Variants in TRDN observed in about 807,000 individuals in gnomAD.
TRDN encodes the protein triadin in skeletal muscle.
A neutral mutation model predicts 149.7 loss-of-function variants in TRDN; 161 were observed. The observed-to-expected ratio is 1.08, with a 90% CI of 0.95 to 1.23. TRDN has a LOEUF of 1.23. Among genes scored for constraint, TRDN ranks in the 50% most tolerant of loss-of-function variants. The pLI, the probability that TRDN is intolerant of heterozygous loss-of-function variation, is 0.00. For synonymous variants in TRDN, 294 were observed against 250.5 expected (o/e 1.17, Z -1.64); for missense variants, 896 against 823.5 (o/e 1.09, Z -1.08).
At chr6:123,315,047 T>A (rs1290302770) in intron 24 of TRDN, among the ~76,000 whole-genome samples, 1 of 151,964 alleles carries the variant, frequency 6.6e-6, no homozygotes, top group Non-Finnish European at 1.5e-5. Context: ...ATACTTAATG[T>A]AAACTAATAA....
chr6:123,582,522 TG>T (rs1389732711), intron 1 of TRDN, among the ~76,000 whole-genome samples: 5 of 77,744 alleles, frequency 6.4e-5, no homozygotes, highest in Non-Finnish European at 1.3e-4. Context: ...CAGGCAGGAG[TG>T]GGGGGCACAG....
At chr6:123,356,803 T>C (rs1780701988) in intron 20 of TRDN, among the ~76,000 whole-genome samples, 1 of 151,200 alleles carries the variant, frequency 6.6e-6, no homozygotes, top group African/African-American at 2.4e-5. Flanking sequence ...TATTTGCTTA[T>C]TATCTATAGA....
intron 4 of TRDN, among the ~76,000 whole-genome samples, chr6:123,530,912 A>C (rs550535002): frequency 7.2e-5 from 11 of 152,106 alleles, no homozygotes; most frequent in Admixed American, 3.9e-4. Context: ...ATCCTTAATA[A>C]GAATGTCATT....
At chr6:123,227,435 A>T (rs1480444041) in intron 38 of TRDN, among the ~76,000 whole-genome samples, 11 of 151,824 alleles carry the variant, frequency 7.2e-5, no homozygotes, top group Non-Finnish European at 1.6e-4. Context: ...TGCTGGGGAT[A>T]ATGAAAAGTT....
At chr6:123,224,421 C>G (rs760044276) in intron 38 of TRDN, among the ~76,000 whole-genome samples, 1 of 151,726 alleles carries the variant, frequency 6.6e-6, no homozygotes, top group Admixed American at 6.6e-5. Context: ...TTCCCTCCTC[C>G]TCTGACTCCT....
intron 40 of TRDN, 62 bp downstream of exon 40, chr6:123,221,424 TA>T (rs1775143982): frequency 8.0e-7 from 1 of 1,248,054 alleles, no homozygotes; most frequent in Non-Finnish European, 1.1e-6. Context: ...CTAACATTTT[TA>T]CATAGATGTA....
chr6:123,428,785 T>C (rs1774223299), intron 12 of TRDN, among the ~76,000 whole-genome samples: 1 of 152,184 alleles, frequency 6.6e-6, no homozygotes, highest in African/African-American at 2.4e-5. Flanking sequence ...GATTTTTGCG[T>C]GAGGCCTTGT....
intron 5 of TRDN, among the ~76,000 whole-genome samples, chr6:123,528,434 C>G (rs901626201): frequency 6.6e-6 from 1 of 151,800 alleles, no homozygotes; most frequent in Non-Finnish European, 1.5e-5. Context: ...TCCACCATAA[C>G]GAATATCTTT....
intron 20 of TRDN, among the ~76,000 whole-genome samples, chr6:123,354,150 G>A (rs144806980): frequency 2.0e-5 from 3 of 151,712 alleles, no homozygotes; most frequent in African/African-American, 7.2e-5. Flanking sequence ...TCCCTTGAAG[G>A]GCAACCACAA....
chr6:123,632,019 T>C (rs1786031746), intron 1 of TRDN, among the ~76,000 whole-genome samples: 1 of 152,232 alleles, frequency 6.6e-6, no homozygotes, highest in Non-Finnish European at 1.5e-5. Context: ...CCAGAGTATA[T>C]TAAATTTTCA....
intron 7 of TRDN, among the ~76,000 whole-genome samples, chr6:123,507,933 T>C (rs1173362704): frequency 6.6e-6 from 1 of 152,066 alleles, no homozygotes; most frequent in African/African-American, 2.4e-5. Context: ...ATTTTCTCTC[T>C]CATTCCATAA....
rs567642968 is a variant in TRDN at position 123,440,703 on chromosome 6, A to G, written c.932-1700T>C. Among the ~76,000 whole-genome samples, 140 of 152,332 alleles carry G rather than the reference A, an allele frequency of 9.2e-4. 1 individual carries two copies. The highest frequency in any genetic ancestry group is 3.3e-3 in the African/African-American group (137 of 41,588). On this transcript the variant is annotated intron_variant, in intron 10 of 40. Transcript: ENST00000334268. ...CAAGTTTCATAAGGTTGATGAATAA[A>G]TATTTCATTAAAAAGCTTGTGCCAA...
chr6:123,513,347 G>C (rs1359773828), intron 6 of TRDN, among the ~76,000 whole-genome samples: 1 of 152,074 alleles, frequency 6.6e-6, no homozygotes, highest in Non-Finnish European at 1.5e-5. Flanking sequence ...GTAAATAAAA[G>C]AGCACTTACA....
At chr6:123,313,520 T>C (rs1316759987) in intron 24 of TRDN, among the ~76,000 whole-genome samples, 1 of 151,948 alleles carries the variant, frequency 6.6e-6, no homozygotes, top group Non-Finnish European at 1.5e-5. Context: ...CTCCTTTCCA[T>C]AGGGCTTCTG....
chr6:123,457,100 C>T lies in TRDN; in HGVS notation c.931+7806G>A, dbSNP rs1357319956. ...GATCAAATTCGCTCAAATTCACAAA[C>T]TGTGTCATCCTTCTTCTTTGGTCTT... On this transcript the variant is annotated intron_variant, in intron 10 of 40. Transcript: ENST00000334268. 3.3e-5 allele frequency among the ~76,000 whole-genome samples: 5 copies of T among 152,214 alleles called. No individual in the cohort carries two copies. The South Asian group carries it at 8.3e-4, about 25-fold the overall frequency.
chr6:123,384,959 G>A (rs780667867), intron 14 of TRDN, among the ~76,000 whole-genome samples: 8 of 152,064 alleles, frequency 5.3e-5, no homozygotes, highest in Non-Finnish European at 8.8e-5. Flanking sequence ...GGCTTACTTG[G>A]TCAATATACT....
chr6:123,614,526 T>C (rs1309721502), intron 1 of TRDN, among the ~76,000 whole-genome samples: 1 of 151,568 alleles, frequency 6.6e-6, no homozygotes, highest in African/African-American at 2.4e-5. Context: ...AAGATATTTA[T>C]ATCAATATTA....
chr6:123,335,860 T>G (rs1292766535), intron 22 of TRDN, among the ~76,000 whole-genome samples: 1 of 152,000 alleles, frequency 6.6e-6, no homozygotes, highest in East Asian at 1.9e-4. Context: ...AATTGTGAAC[T>G]CCAAATTATG....
intron 38 of TRDN, among the ~76,000 whole-genome samples, chr6:123,241,189 G>C (rs1030848911): frequency 1.3e-5 from 2 of 151,166 alleles, no homozygotes; most frequent in African/African-American, 2.4e-5. Flanking sequence ...TGAAATTACT[G>C]AAAATTTTCA....
Sources: allele counts gnomAD v4.1 joint callset (sites outside exome capture counted in the v4.1 genomes callset), GRCh38; gene constraint gnomAD v4.1.1; transcripts MANE v1.5; gene names NCBI Gene and HGNC (gene_info 2026-07-23, HGNC 2026-07-21).